The following RBM27 variants were observed in gnomAD, a reference collection of about 807,000 sequenced individuals.
RBM27 encodes RNA binding motif protein 27.
Under a neutral mutation model 135.3 loss-of-function variants are expected in RBM27, and 22 were observed. The observed-to-expected ratio is 0.16, with a 90% confidence interval of 0.12 to 0.23. The LOEUF (loss-of-function observed/expected upper bound fraction) is 0.23. RBM27 is among the 10% of genes least tolerant of loss of function. The pLI is 1.00. For missense variants in RBM27, 1,009 were observed against 1,281.0 expected (o/e 0.79, Z 3.24); for synonymous variants, 481 against 442.4 (o/e 1.09, Z -1.10).
intron 19 of RBM27, among the ~76,000 whole-genome samples, chr5:146,277,070 A>G (rs766419779): frequency 9.2e-5 from 14 of 152,328 alleles, no homozygotes; most frequent in East Asian, 3.8e-4. Context: ...AAATATGGCA[A>G]TGGTAATTCT....
In RBM27 at chr5:146,210,686, G is replaced by A. The variant is rs552807776; in HGVS notation, c.59+6862G>A. Among the ~76,000 whole-genome samples, 313 of 152,292 alleles carry A rather than the reference G, an allele frequency of 2.1e-3. 3 individuals carry two copies. Among genetic ancestry groups the A allele is most frequent in the African/African-American group, 7.1e-3 (295 of 41,556 alleles). On this transcript the variant is annotated intron_variant, in intron 1 of 20. Transcript: ENST00000265271. ...TTTATAGCCGGGCACGGTGGCTCAT[G>A]CCTGTAATCCCAGCACTTTGGGAGG...
At chr5:146,251,942 C>T (rs1053575811) in intron 9 of RBM27, 67 bp downstream of exon 9, 8 of 1,514,038 alleles carry the variant, frequency 5.3e-6, no homozygotes, top group Admixed American at 5.2e-5. Context: ...CCAGTCTAAG[C>T]GGTGACCTGG....
rs369079405 is a variant in RBM27, at chr5:146,203,822, G to C, written c.57G>C (p.Pro19=). The change falls in exon 1 of 21, where the codon CCG becomes CCC. Residue 19 remains proline, a splice_region_variant and synonymous_variant. Transcript: ENST00000265271. ...LKSWLAKLLE[P]ICDADPSALA... is the part of the protein sequence containing the mutation. ...CCTGGCTGGCCAAGTTACTGGAGCCGATGTGAGTGAGCCGGGCTGGGCCGG... is the reference window on the plus strand; with the variant it reads ...CCTGGCTGGCCAAGTTACTGGAGCCCATGTGAGTGAGCCGGGCTGGGCCGG... The C allele has an allele frequency of 4.7e-5, 67 of 1,423,538 alleles. No individual in the cohort carries two copies. The highest frequency in any genetic ancestry group is 5.8e-5 in the Non-Finnish European group (62 of 1,064,386). 88.2% of individuals were successfully genotyped at this position (1,423,538 alleles called of 1,614,324 possible). A position where few individuals can be genotyped will look rare whatever the true frequency, so the allele number is the denominator to read the frequency against.
At chr5:146,249,709 TAAAA>T (rs71581865) in intron 8 of RBM27, among the ~76,000 whole-genome samples, 1 of 140,062 alleles carries the variant, frequency 7.1e-6, no homozygotes, top group East Asian at 2.1e-4. Context: ...AAAGAAAAAG[TAAAA>T]AAAAAAGAAA....
intron 3 of RBM27, among the ~76,000 whole-genome samples, chr5:146,226,010 T>G (rs866012222): frequency 3.4e-5 from 5 of 146,582 alleles, no homozygotes; most frequent in South Asian, 2.2e-4. Context: ...TTATAGGCCC[T>G]GTCACCAAGC....
At chr5:146,255,225 G>A in intron 10 of RBM27, 133 bp downstream of exon 10, 1 of 650,938 alleles carries the variant, frequency 1.5e-6, no homozygotes, top group Non-Finnish European at 2.3e-6. Flanking sequence ...TTTGGAGGGT[G>A]CTATGTATTA....
intron 19 of RBM27, among the ~76,000 whole-genome samples, chr5:146,278,923 G>A (rs1384092972): frequency 1.3e-5 from 2 of 151,384 alleles, no homozygotes; most frequent in African/African-American, 2.4e-5. Flanking sequence ...GGGTTTCACC[G>A]TGTTAGCCAG....
At chr5:146,282,000 C>CTTTTTTTTT (rs777368235) in intron 19 of RBM27, among the ~76,000 whole-genome samples, 6 of 101,502 alleles carry the variant, frequency 5.9e-5, no homozygotes, top group African/African-American at 7.9e-5. Flanking sequence ...TATTTTTCAT[C>CTTTTTTTTT]TTTTTTTTTT....
At chr5:146,239,465 T>C (rs1383256891) in intron 8 of RBM27, among the ~76,000 whole-genome samples, 3 of 120,796 alleles carry the variant, frequency 2.5e-5, no homozygotes, top group Non-Finnish European at 3.5e-5. Context: ...TTTTTTTTTT[T>C]CCTTTTCTTT....
intron 3 of RBM27, among the ~76,000 whole-genome samples, chr5:146,228,074 A>G (rs1188800798): frequency 6.6e-6 from 1 of 152,154 alleles, no homozygotes; most frequent in African/African-American, 2.4e-5. Context: ...TACTTTTCCT[A>G]CACTACCATT....
At chr5:146,274,517 C>G (rs1326212754) in intron 19 of RBM27, among the ~76,000 whole-genome samples, 1 of 152,178 alleles carries the variant, frequency 6.6e-6, no homozygotes, top group Non-Finnish European at 1.5e-5. Flanking sequence ...CCGCCGGCCG[C>G]GTTGGCCTCC....
Position 146,269,287 on chromosome 5 carries a change from A to G in RBM27, c.2526+6A>G. ...AGCAAATAGAATGCCAAAAGGTAAG[A>G]CAAGAGCTCATTATTTGCATGCTAG... On this transcript the variant is annotated splice_donor_region_variant and intron_variant, in intron 16 of 20. Coordinates refer to ENST00000265271, the MANE Select transcript of RBM27 (RefSeq NM_018989.2). 5 of 1,593,032 alleles carry G rather than the reference A, an allele frequency of 3.1e-6. No individual in the cohort carries two copies. Among genetic ancestry groups the G allele is most frequent in the Non-Finnish European group, 4.3e-6 (5 of 1,165,496 alleles).
intron 6 of RBM27, among the ~76,000 whole-genome samples, chr5:146,232,766 A>C (rs1296969328): frequency 1.3e-5 from 2 of 152,068 alleles, no homozygotes; most frequent in Non-Finnish European, 2.9e-5. Context: ...ACGGGGTTTC[A>C]CCATGTTGGT....
intron 16 of RBM27, 55 bp from the exon 17 acceptor site, chr5:146,269,362 ACTT>A (rs1476253083): frequency 6.8e-7 from 1 of 1,476,212 alleles, no homozygotes; most frequent in African/African-American, 1.4e-5. Context: ...ATTTTTAAAG[ACTT>A]CTTTATATTA....
chr5:146,270,984 G>A lies in RBM27; in HGVS notation c.2722G>A (p.Asp908Asn), dbSNP rs776812248. 1 of 1,613,326 alleles carries A rather than the reference G, an allele frequency of 6.2e-7. No individual in the cohort carries two copies. The highest frequency in any genetic ancestry group is 8.5e-7 in the Non-Finnish European group (1 of 1,179,494). The change falls in exon 18 of 21, where the codon GAC (aspartate) becomes AAC (asparagine). Residue 908 changes from aspartate (D) to asparagine (N), a missense_variant. Coordinates refer to ENST00000265271, the MANE Select transcript of RBM27 (RefSeq NM_018989.2). ...AQKELLDTELDLHKRLSSGED... is the reference protein window; with the variant it reads ...AQKELLDTELNLHKRLSSGED... ...GAAGGAGTTATTAGATACTGAACTGGACCTCCACAAGAGGCTGTCCTCAGG... is the reference window on the plus strand; with the variant it reads ...GAAGGAGTTATTAGATACTGAACTGAACCTCCACAAGAGGCTGTCCTCAGG...
intron 19 of RBM27, among the ~76,000 whole-genome samples, chr5:146,277,224 C>G (rs1195592128): frequency 6.6e-6 from 1 of 152,146 alleles, no homozygotes; most frequent in East Asian, 1.9e-4. Flanking sequence ...AATTTGAAAT[C>G]TTACCAATTA....
chr5:146,270,924 A>C (rs770642609), intron 17 of RBM27, 30 bp from the exon 18 acceptor site: 1 of 1,451,202 alleles, frequency 6.9e-7, no homozygotes, highest in South Asian at 1.2e-5. Flanking sequence ...TTATCTAAAA[A>C]ATACCTTTTT....
chr5:146,278,214 C>T (rs985521999), intron 19 of RBM27, among the ~76,000 whole-genome samples: 2 of 152,068 alleles, frequency 1.3e-5, no homozygotes, highest in African/African-American at 2.4e-5. Context: ...AGTTTCTAAT[C>T]GGGGAAAATG....
intron 1 of RBM27, among the ~76,000 whole-genome samples, chr5:146,205,536 A>G (rs932205672): frequency 9.9e-5 from 15 of 152,094 alleles, no homozygotes; most frequent in African/African-American, 2.7e-4. Context: ...AGTGAAAATG[A>G]CTGAACACAC....
Sources: gnomAD v4.1 joint callset for allele counts (sites outside exome capture counted in the v4.1 genomes callset) on GRCh38, gnomAD v4.1.1 for gene constraint, MANE v1.5 for transcripts, NCBI Gene and HGNC (gene_info 2026-07-23, HGNC 2026-07-21) for gene names.